SHOC1: variants seen among roughly 807,000 people sequenced by gnomAD.
SHOC1 encodes the protein shortage in chiasmata 1.
In SHOC1, 136 loss-of-function variants were observed where a neutral mutation model predicts 179.2. That is an observed-to-expected ratio of 0.76 (90% CI 0.66 to 0.87). SHOC1 has a LOEUF of 0.87. Among genes scored for constraint, SHOC1 ranks in the 40% least tolerant of loss-of-function variants. The pLI is 0.00. For synonymous variants in SHOC1, 489 were observed against 586.6 expected, an observed-to-expected ratio of 0.83 and a Z score of 2.41; for missense variants, 1,538 against 1,700.8, an observed-to-expected ratio of 0.90 and a Z score of 1.68.
intron 27 of SHOC1, among the ~76,000 whole-genome samples, chr9:111,688,504 A>C (rs568454004): frequency 9.8e-5 from 15 of 152,302 alleles, no homozygotes; most frequent in African/African-American, 3.1e-4. Context: ...AGTTTTGAAG[A>C]GATTACCAGC....
rs1260363995 is a variant in SHOC1, at chr9:111,753,985, T to C, written c.862+2340A>G. On this transcript the variant is annotated intron_variant, in intron 8 of 27. Transcript: ENST00000682961. Reference sequence around the variant, plus strand: ...GACCTAACATACAGTATGGTGACTATAGTTAATAATAATGCATTGTACACT... The same window carrying C: ...GACCTAACATACAGTATGGTGACTACAGTTAATAATAATGCATTGTACACT... 1.3e-5 allele frequency among the ~76,000 whole-genome samples: 2 copies of C among 152,140 alleles called. 1 individual carries two copies. Among genetic ancestry groups the C allele is most frequent in the South Asian group, 4.1e-4 (2 of 4,832 alleles).
chr9:111,742,071 G>A (rs1564140729), intron 10 of SHOC1, among the ~76,000 whole-genome samples: 1 of 152,078 alleles, frequency 6.6e-6, no homozygotes, highest in Non-Finnish European at 1.5e-5. Context: ...CTCCATCCTT[G>A]GGAAAGTTTG....
At chr9:111,693,009 A>G (rs990502829) in intron 26 of SHOC1, among the ~76,000 whole-genome samples, 3 of 152,216 alleles carry the variant, frequency 2.0e-5, no homozygotes, top group African/African-American at 7.2e-5. Context: ...AAATAGCTTT[A>G]GAATGTATAA....
chr9:111,736,321 AG>A (rs1833810687), intron 12 of SHOC1, among the ~76,000 whole-genome samples: 1 of 152,212 alleles, frequency 6.6e-6, no homozygotes, highest in Admixed American at 6.5e-5. Flanking sequence ...ACTATACTAT[AG>A]GGCTAGGGTA....
rs749772251 is a variant in SHOC1, at chr9:111,691,554, T to C, written c.4423A>G (p.Thr1475Ala). ...SFNSGDKESL[T>A]GFMCSQLPQF... is the part of the protein sequence containing the mutation. ...ATCAACTATTGGATAGTGTTACCTG[T>C]TAATGATTCCTTGTCTCCTGAGTTA... Residue 1475 changes from threonine to alanine, a missense_variant, in exon 27 of 28, where the codon ACA becomes GCA. Physicochemically the swap from Thr to Ala is moderately conservative, Grantham distance 58. Transcript: ENST00000682961. 5.6e-6 allele frequency: 9 copies of C among 1,610,224 alleles called. No homozygotes were observed. In the Admixed American group the frequency reaches 1.5e-4, roughly 27 times the overall value.
chr9:111,722,736 T>C, intron 14 of SHOC1, 151 bp from the exon 15 acceptor site: 1 of 547,738 alleles, frequency 1.8e-6, no homozygotes, highest in East Asian at 3.3e-5. Context: ...AAACTTATTT[T>C]AAGATATTTA....
chr9:111,727,864 C>T lies in SHOC1; in HGVS notation c.1603G>A (p.Glu535Lys), dbSNP rs1589414445. ...AKEEKPKNDQ[E>K]PVNRIIQKKE... is the part of the protein sequence containing the mutation. ...TTTTGGATTATTCTGTTTACTGGTT[C>T]TTGGTCATTCTTTGGTTTTTCTTCT... The change falls in exon 13 of 28, where the codon GAA (glutamate) becomes AAA (lysine). Residue 535 changes from glutamate to lysine, a missense_variant. Glu to Lys is a moderately conservative substitution (Grantham distance 56, BLOSUM62 1). Coordinates refer to ENST00000682961, the MANE Select transcript of SHOC1 (RefSeq NM_001378211.1). 2 of 1,612,568 alleles carry T rather than the reference C, an allele frequency of 1.2e-6. No individual in the cohort carries two copies. Among genetic ancestry groups the T allele is most frequent in the Non-Finnish European group, 8.5e-7 (1 of 1,179,412 alleles).
chr9:111,714,586 A>G lies in SHOC1; in HGVS notation c.2274T>C (p.Ile758=). 1 of 1,613,862 alleles carries G rather than the reference A, an allele frequency of 6.2e-7. No individual in the cohort carries two copies. Among genetic ancestry groups the G allele is most frequent in the Non-Finnish European group, 8.5e-7 (1 of 1,179,916 alleles). ...AAATGTCACCCAAATAGGGGCCTAA[A>G]ATGCTGTTGTAGATATCTTTTGCCT... ...LSKAKDIYNS[I]LGPYLGDIWR... Residue 758 remains isoleucine (I), a synonymous_variant, in exon 17 of 28, where the codon ATT becomes ATC. Coordinates refer to ENST00000682961, the MANE Select transcript of SHOC1 (RefSeq NM_001378211.1).
chr9:111,757,625 A>G (rs955803973), intron 7 of SHOC1, among the ~76,000 whole-genome samples: 2 of 152,230 alleles, frequency 1.3e-5, no homozygotes, highest in African/African-American at 4.8e-5. Flanking sequence ...CACTGGCAGA[A>G]AACTAAAATT....
intron 15 of SHOC1, among the ~76,000 whole-genome samples, chr9:111,722,055 A>G (rs74853339): frequency 6.6e-6 from 1 of 152,340 alleles, no homozygotes; most frequent in Non-Finnish European, 1.5e-5. Context: ...CAGAAATAAA[A>G]AGTCTAGGAT....
At position 111,791,395 on chromosome 9, in the gene SHOC1, A is replaced by G; in HGVS notation, c.24T>C (p.His8=). 6.8e-7 allele frequency: 1 copy of G among 1,480,180 alleles called. No individual in the cohort carries two copies. The highest frequency in any genetic ancestry group is 9.0e-7 in the Non-Finnish European group (1 of 1,111,546). 91.7% of individuals were successfully genotyped at this position (1,480,180 alleles called of 1,614,324 possible). The part of the protein sequence containing the change: MFSALKY[H]AIDYLYENVV... Reference sequence around the variant, plus strand: ...CTACCTCATATAAATAGTCTATTGCATGATATTTCAATGCTGAAAACATAT... The same window carrying G: ...CTACCTCATATAAATAGTCTATTGCGTGATATTTCAATGCTGAAAACATAT... The change falls in exon 2 of 28, where the codon CAT becomes CAC. Residue 8 remains histidine, a synonymous_variant. Coordinates refer to ENST00000682961, the MANE Select transcript of SHOC1 (RefSeq NM_001378211.1).
chr9:111,755,886 G>A (rs995043827), intron 8 of SHOC1, among the ~76,000 whole-genome samples: 9 of 152,098 alleles, frequency 5.9e-5, no homozygotes, highest in African/African-American at 2.2e-4. Context: ...ACTTTGGGAG[G>A]CCGAGGCGGG....
chr9:111,766,712 A>G (rs1167745418), intron 5 of SHOC1, among the ~76,000 whole-genome samples: 1 of 152,114 alleles, frequency 6.6e-6, no homozygotes, highest in Admixed American at 6.5e-5. Flanking sequence ...CCTGGGTTCA[A>G]GCAATTCTCC....
intron 12 of SHOC1, among the ~76,000 whole-genome samples, chr9:111,737,166 A>G: frequency 6.6e-6 from 1 of 152,330 alleles, no homozygotes; most frequent in African/African-American, 2.4e-5. Context: ...TTATCAAAGA[A>G]CTTAAAACAG....
At chr9:111,705,457 A>G (rs1224592058) in intron 20 of SHOC1, 93 bp from the exon 21 acceptor site, 2 of 513,282 alleles carry the variant, frequency 3.9e-6, no homozygotes, top group Non-Finnish European at 6.8e-6. Context: ...GATAAGTAGG[A>G]GTAGTATAAA....
intron 3 of SHOC1, among the ~76,000 whole-genome samples, chr9:111,784,358 AC>A (rs896293562): frequency 1.3e-5 from 2 of 152,114 alleles, no homozygotes; most frequent in African/African-American, 4.8e-5. Context: ...CTATTTTGTG[AC>A]CCCCTCACTG....
chr9:111,757,355 G>A (rs947679007), intron 7 of SHOC1, among the ~76,000 whole-genome samples: 3 of 152,084 alleles, frequency 2.0e-5, no homozygotes, highest in Admixed American at 6.5e-5. Flanking sequence ...GCCCACCTCG[G>A]CCTCCCAAAG....
chr9:111,762,794 C>A (rs539072420), intron 5 of SHOC1, among the ~76,000 whole-genome samples: 2 of 151,966 alleles, frequency 1.3e-5, no homozygotes, highest in African/African-American at 4.8e-5. Context: ...ATTTTCTTTA[C>A]CATCAGAAAT....
At chr9:111,709,760 AAGTGT>A (rs1257728228) in intron 18 of SHOC1, among the ~76,000 whole-genome samples, 3 of 152,188 alleles carry the variant, frequency 2.0e-5, no homozygotes, top group Non-Finnish European at 4.4e-5. Context: ...TTAAAGTAAA[AAGTGT>A]AACTGAGTTA....
Sources: allele counts gnomAD v4.1 joint callset (sites outside exome capture counted in the v4.1 genomes callset), GRCh38; gene constraint gnomAD v4.1.1; transcripts MANE v1.5; gene names NCBI Gene and HGNC (gene_info 2026-07-23, HGNC 2026-07-21).